B3GNT2: variants seen among roughly 807,000 people sequenced by gnomAD.
The protein encoded by B3GNT2 is N-acetyllactosaminide beta-1,3-N-acetylglucosaminyltransferase 2.
B3GNT2 carries 12 observed loss-of-function variants against 27.6 expected under a neutral mutation model. The ratio of observed to expected loss-of-function variants is 0.44; its 90% CI spans 0.28 to 0.71. The LOEUF (loss-of-function observed/expected upper bound fraction) is 0.71, where lower values mean the gene tolerates loss of function less well. Ranked by LOEUF, B3GNT2 falls within the 30% of genes least tolerant of loss-of-function variation. The probability of loss-of-function intolerance (pLI) is 0.17; values close to 1 mark genes in which losing one functional copy is unlikely to be tolerated. For missense variants in B3GNT2, 413 were observed against 488.5 expected (o/e 0.85, Z 1.46); for synonymous variants, 192 against 189.7 (o/e 1.01, Z -0.10).
chr2:62,196,142 GC>G lies in B3GNT2; in HGVS notation c.-222del. The G allele has an allele frequency of 6.6e-6, 1 of 151,688 alleles. No homozygotes were observed. The highest frequency in any genetic ancestry group is 1.9e-4 in the East Asian group (1 of 5,172). 9.4% of individuals were successfully genotyped at this position (151,688 alleles called of 1,614,324 possible). On this transcript the variant is annotated 5_prime_UTR_variant, in exon 1 of 2. Coordinates refer to ENST00000301998, the MANE Select transcript of B3GNT2 (RefSeq NM_006577.6). ...CCTGGAGTGAGGCGCAGCGGCAGCG[GC>G]AGCAGCGGCAACAAGTGCCGGAGGC...
chr2:62,203,042 T>A (rs973958031), intron 1 of B3GNT2, among the ~76,000 whole-genome samples: 2 of 152,234 alleles, frequency 1.3e-5, no homozygotes, highest in Non-Finnish European at 2.9e-5. Context: ...GTGCTTCATA[T>A]TTCATCTAAG....
At chr2:62,206,288 C>T (rs1297368252) in intron 1 of B3GNT2, among the ~76,000 whole-genome samples, 1 of 152,138 alleles carries the variant, frequency 6.6e-6, no homozygotes, top group Non-Finnish European at 1.5e-5. Flanking sequence ...TTCCTGCCCT[C>T]TCCCTCTACT....
intron 1 of B3GNT2, among the ~76,000 whole-genome samples, chr2:62,198,975 C>G (rs1369063417): frequency 6.6e-6 from 1 of 152,020 alleles, no homozygotes; most frequent in Non-Finnish European, 1.5e-5. Context: ...GAGTCTCACT[C>G]TCCCGCCCAG....
intron 1 of B3GNT2, among the ~76,000 whole-genome samples, chr2:62,202,502 G>A (rs1674283825): frequency 6.6e-6 from 1 of 152,172 alleles, no homozygotes; most frequent in African/African-American, 2.4e-5. Flanking sequence ...ATGCAGAGAT[G>A]TGGCAGTTAA....
rs1232566609 is a variant in B3GNT2 at position 62,222,197 on chromosome 2, A to C, written c.-9-15A>C. The stretch of plus-strand genomic sequence containing the variant: ...TGATAAGTAATTGATACAATACTCC[A>C]CCCCTTTATTCCAGATATGAGAAAT... On this transcript the variant is annotated splice_polypyrimidine_tract_variant and intron_variant, in intron 1 of 1. Transcript: ENST00000301998. The surrounding 1 kb of genome is among the most constrained non-coding windows in gnomAD (Gnocchi z 4.2). The C allele has an allele frequency of 6.4e-7, 1 of 1,558,784 alleles. No individual in the cohort carries two copies. Among genetic ancestry groups the C allele is most frequent in the Non-Finnish European group, 8.7e-7 (1 of 1,153,904 alleles).
intron 1 of B3GNT2, among the ~76,000 whole-genome samples, chr2:62,212,265 A>ATC (rs1674494568): frequency 6.6e-6 from 1 of 152,052 alleles, no homozygotes; most frequent in African/African-American, 2.4e-5. Flanking sequence ...TTTCTCCAGC[A>ATC]TCTGTTGCTC....
intron 1 of B3GNT2, among the ~76,000 whole-genome samples, chr2:62,205,635 A>G (rs1027128016): frequency 3.9e-5 from 6 of 152,224 alleles, no homozygotes; most frequent in African/African-American, 1.2e-4. Context: ...CCAGGGTCAC[A>G]CATCACTAGA....
At position 62,222,453 on chromosome 2, in the gene B3GNT2, C is replaced by A; in HGVS notation, c.233C>A (p.Thr78Asn). ...TACAACCCCATCCTGAGCATGCTGA[C>A]CAACCAGACGGGGGAGGCGGGCAGG... ...RQYNPILSML[T>N]NQTGEAGRLS... Residue 78 changes from threonine to asparagine, a missense_variant, in exon 2 of 2, where the codon ACC (threonine) becomes AAC (asparagine). Thr to Asn is a moderately conservative substitution (Grantham distance 65). Transcript: ENST00000301998. The surrounding 1 kb of genome is among the most constrained non-coding windows in gnomAD (Gnocchi z 4.2). The A allele has an allele frequency of 6.2e-7, 1 of 1,614,090 alleles. No homozygotes were observed. The highest frequency in any genetic ancestry group is 1.1e-5 in the South Asian group (1 of 91,070).
chr2:62,200,712 C>G (rs1358165696), intron 1 of B3GNT2, among the ~76,000 whole-genome samples: 1 of 152,168 alleles, frequency 6.6e-6, no homozygotes, highest in Non-Finnish European at 1.5e-5. Flanking sequence ...GTTCCCACCC[C>G]CTCACCCTGA....
intron 1 of B3GNT2, among the ~76,000 whole-genome samples, chr2:62,213,157 T>G (rs1408835594): frequency 6.6e-6 from 1 of 152,102 alleles, no homozygotes; most frequent in Admixed American, 6.5e-5. Flanking sequence ...CAAAAAAATT[T>G]AAAAAATTAG....
chr2:62,205,350 C>T (rs561449013), intron 1 of B3GNT2, among the ~76,000 whole-genome samples: 1 of 152,352 alleles, frequency 6.6e-6, no homozygotes, highest in African/African-American at 2.4e-5. Flanking sequence ...GGAAGCAAGT[C>T]TTGGTCGAAG....
At chr2:62,206,128 A>G (rs569558134) in intron 1 of B3GNT2, among the ~76,000 whole-genome samples, 125 of 152,186 alleles carry the variant, frequency 8.2e-4, no homozygotes, top group African/African-American at 2.7e-3. Context: ...GTTGTTGTTA[A>G]GGGGTGCTGG....
chr2:62,196,608 C>A (rs1674147922), intron 1 of B3GNT2, among the ~76,000 whole-genome samples: 1 of 152,228 alleles, frequency 6.6e-6, no homozygotes, highest in Admixed American at 6.5e-5. Flanking sequence ...AACCTCAGCC[C>A]AGAGGGAGAG....
chr2:62,200,216 T>TTTTA (rs950477602), intron 1 of B3GNT2, among the ~76,000 whole-genome samples: 23 of 152,310 alleles, frequency 1.5e-4, no homozygotes, highest in African/African-American at 5.1e-4. Context: ...TCTTGTGCAA[T>TTTTA]TTTAGCTTTA....
At position 62,218,049 on chromosome 2, in the gene B3GNT2, T is replaced by A. The variant is rs563655116; in HGVS notation, c.-9-4163T>A. On this transcript the variant is annotated intron_variant, in intron 1 of 1. Transcript: ENST00000301998. ...TGTTTCACAGCGAGAGTTTATAACA[T>A]CTTCCCCCAGCTTTGGGGTGAGTTT... Among the ~76,000 whole-genome samples the A allele has an allele frequency of 1.6e-4, 25 of 152,344 alleles. No homozygotes were observed. In the South Asian group the frequency reaches 4.1e-3, roughly 25 times the overall value.
In B3GNT2 at chr2:62,222,745, G is replaced by A. The variant is rs573730013; in HGVS notation, c.525G>A (p.Thr175=). ...WGQESNAGNQ[T]VVRVFLLGQT... ...AAGAAAGCAACGCAGGGAACCAAAC[G>A]GTGGTGCGAGTCTTCCTGCTGGGCC... is the stretch of plus-strand genomic sequence containing the variant. The change falls in exon 2 of 2, where the codon ACG becomes ACA. Residue 175 remains threonine (T), a synonymous_variant. Coordinates refer to ENST00000301998, the MANE Select transcript of B3GNT2 (RefSeq NM_006577.6). The surrounding 1 kb of genome is among the most constrained non-coding windows in gnomAD (Gnocchi z 4.2). 3.1e-5 allele frequency: 50 copies of A among 1,614,208 alleles called. No individual in the cohort carries two copies. Among genetic ancestry groups the A allele is most frequent in the East Asian group, 2.0e-4 (9 of 44,892 alleles).
rs1465985604 is a variant in B3GNT2, at chr2:62,222,712, C to T, written c.492C>T (p.Ser164=). The T allele has an allele frequency of 6.2e-7, 1 of 1,614,226 alleles. No individual in the cohort carries two copies. Among genetic ancestry groups the T allele is most frequent in the South Asian group, 1.1e-5 (1 of 91,082 alleles). ...HFARRQAIRE[S]WGQESNAGNQ... is the part of the protein sequence containing the mutation. The stretch of plus-strand genomic sequence containing the variant: ...CCAGAAGGCAAGCAATCCGGGAATC[C>T]TGGGGCCAAGAAAGCAACGCAGGGA... The change falls in exon 2 of 2, where the codon TCC becomes TCT. Residue 164 remains serine (S), a synonymous_variant. Coordinates refer to ENST00000301998, the MANE Select transcript of B3GNT2 (RefSeq NM_006577.6). The surrounding 1 kb of genome is among the most constrained non-coding windows in gnomAD (Gnocchi z 4.2).
chr2:62,210,581 T>C (rs1674463099), intron 1 of B3GNT2, among the ~76,000 whole-genome samples: 1 of 151,824 alleles, frequency 6.6e-6, no homozygotes, highest in Non-Finnish European at 1.5e-5. Context: ...CCATCCTGGC[T>C]AATATAGCGA....
intron 1 of B3GNT2, among the ~76,000 whole-genome samples, chr2:62,219,871 C>T (rs1374729637): frequency 6.6e-6 from 1 of 152,068 alleles, no homozygotes; most frequent in Non-Finnish European, 1.5e-5. Context: ...GCTGTGGATG[C>T]AATCAAAGCC....
Sources: gnomAD v4.1 joint callset for allele counts (sites outside exome capture counted in the v4.1 genomes callset) on GRCh38, gnomAD v4.1.1 for gene constraint, Gnocchi (gnomAD v3.1) non-coding constraint, MANE v1.5 for transcripts, NCBI Gene and HGNC (gene_info 2026-07-23, HGNC 2026-07-21) for gene names.